Variants in SPATA22 observed in about 807,000 individuals in gnomAD.
The protein encoded by SPATA22 is spermatogenesis associated 22, also known as spermatogenesis-associated protein 22.
In SPATA22, 29 loss-of-function variants were observed where a neutral mutation model predicts 47.8. The ratio of observed to expected loss-of-function variants is 0.61; its 90% CI spans 0.45 to 0.83. The LOEUF is 0.83. Among genes scored for constraint, SPATA22 ranks in the 40% least tolerant of loss-of-function variants. The probability of loss-of-function intolerance (pLI) is 0.00; values close to 1 mark genes in which losing one functional copy is unlikely to be tolerated. For synonymous variants in SPATA22, 133 were observed against 140.9 expected, an observed-to-expected ratio of 0.94 and a Z score of 0.40; for missense variants, 410 against 421.7, an observed-to-expected ratio of 0.97 and a Z score of 0.24.
chr17:3,482,253 T>A (rs1244623364), intron 1 of SPATA22, among the ~76,000 whole-genome samples: 2 of 152,230 alleles, frequency 1.3e-5, no homozygotes, highest in African/African-American at 2.4e-5. Flanking sequence ...TCCTTTAACG[T>A]AGACTAAAGC....
chr17:3,464,756 CTG>C (rs2073238871), intron 3 of SPATA22, among the ~76,000 whole-genome samples: 1 of 138,890 alleles, frequency 7.2e-6, no homozygotes, highest in Non-Finnish European at 1.6e-5. Context: ...ACCGCCCCGT[CTG>C]AGAAGTGAGG....
chr17:3,494,541 C>A, intron 1 of SPATA22: 1 of 1,132,232 alleles, frequency 8.8e-7, no homozygotes, highest in Non-Finnish European at 1.3e-6. Context: ...TACAGCACTT[C>A]GCGTACATTC....
rs761077435 is a variant in SPATA22, at chr17:3,443,156, T to C, written c.900+18A>G. 5 of 1,544,326 alleles carry C rather than the reference T, an allele frequency of 3.2e-6. No homozygotes were observed. The highest frequency in any genetic ancestry group is 4.5e-6 in the Non-Finnish European group (5 of 1,123,494). On this transcript the variant is annotated intron_variant, in intron 8 of 8. Coordinates refer to ENST00000572969, the MANE Select transcript of SPATA22 (RefSeq NM_001170698.2). The stretch of plus-strand genomic sequence containing the variant: ...CTGTTGACATAGGCTTCGCAAAGAG[T>C]ACTTTAAAAATACTCACGATTTCAT...
chr17:3,461,848 C>G (rs2073132335), intron 5 of SPATA22, among the ~76,000 whole-genome samples: 2 of 152,128 alleles, frequency 1.3e-5, no homozygotes, highest in South Asian at 4.1e-4. Flanking sequence ...AAAATCATTT[C>G]CTTCTATATT....
At chr17:3,444,871 C>T (rs2072691250) in intron 7 of SPATA22, among the ~76,000 whole-genome samples, 1 of 151,912 alleles carries the variant, frequency 6.6e-6, no homozygotes, top group Non-Finnish European at 1.5e-5. Context: ...AGAGTCTAGC[C>T]TAGGAACTCA....
chr17:3,483,192 T>C (rs1432042752), intron 1 of SPATA22, among the ~76,000 whole-genome samples: 3 of 152,014 alleles, frequency 2.0e-5, no homozygotes, highest in African/African-American at 7.2e-5. Flanking sequence ...GAAACAAAAA[T>C]CACCACATCC....
intron 1 of SPATA22, chr17:3,483,486 T>A: frequency 6.2e-7 from 1 of 1,611,912 alleles, no homozygotes; most frequent in South Asian, 1.1e-5. Flanking sequence ...AAGACGTTTT[T>A]GATTTTTTTC....
At chr17:3,491,440 G>A (rs571163392) in intron 1 of SPATA22, among the ~76,000 whole-genome samples, 8 of 152,138 alleles carry the variant, frequency 5.3e-5, no homozygotes, top group Non-Finnish European at 1.0e-4. Context: ...TGAAGAGCTT[G>A]AAAATCATAA....
chr17:3,507,517 T>C (rs2074051708), intron 1 of SPATA22, among the ~76,000 whole-genome samples: 1 of 152,248 alleles, frequency 6.6e-6, no homozygotes, highest in South Asian at 2.1e-4. Flanking sequence ...GAATCCTTTC[T>C]GCAGAACTTT....
intron 1 of SPATA22, among the ~76,000 whole-genome samples, chr17:3,507,315 C>T (rs976843577): frequency 1.3e-5 from 2 of 152,170 alleles, no homozygotes; most frequent in African/African-American, 4.8e-5. Flanking sequence ...TTAAATGAGA[C>T]ATGTATGTAA....
intron 3 of SPATA22, among the ~76,000 whole-genome samples, chr17:3,463,337 A>G (rs1009431386): frequency 2.0e-5 from 3 of 152,204 alleles, no homozygotes; most frequent in Admixed American, 2.0e-4. Flanking sequence ...AGCTTGCTAC[A>G]CACCTAGGCT....
chr17:3,476,326 G>C, upstream of SPATA22: 1 of 1,614,188 alleles, frequency 6.2e-7, no homozygotes, highest in Non-Finnish European at 8.5e-7. Flanking sequence ...ACTAACCCCA[G>C]AGCAGTGAAG....
chr17:3,440,368 T>C, intron 8 of SPATA22, 30 bp from the exon 9 acceptor site: 3 of 1,483,190 alleles, frequency 2.0e-6, no homozygotes, highest in Non-Finnish European at 2.7e-6. Flanking sequence ...TATCAAAAAA[T>C]AGTTATTACT....
At chr17:3,505,454 G>A (rs190381806) in intron 1 of SPATA22, among the ~76,000 whole-genome samples, 82 of 152,334 alleles carry the variant, frequency 5.4e-4, no homozygotes, top group Middle Eastern at 6.8e-3. Flanking sequence ...GGAAGAGCGG[G>A]TTGTCACTTC....
intron 1 of SPATA22, among the ~76,000 whole-genome samples, 151 bp from the exon 2 acceptor site, chr17:3,469,549 A>G (rs2073382379): frequency 3.3e-5 from 5 of 152,338 alleles, no homozygotes; most frequent in South Asian, 4.1e-4. Context: ...AGTTTACACC[A>G]TAATCCACTT....
Position 3,443,158 on chromosome 17 carries a change from C to T in SPATA22, c.900+16G>A, listed in dbSNP as rs764402531. 2.6e-6 allele frequency: 4 copies of T among 1,565,132 alleles called. No individual in the cohort carries two copies. In the East Asian group the frequency reaches 9.0e-5, roughly 35 times the overall value. On this transcript the variant is annotated intron_variant, in intron 8 of 8. Transcript: ENST00000572969. ...GTTGACATAGGCTTCGCAAAGAGTACTTTAAAAATACTCACGATTTCATAA... is the reference window on the plus strand; with the variant it reads ...GTTGACATAGGCTTCGCAAAGAGTATTTTAAAAATACTCACGATTTCATAA...
At chr17:3,458,855 C>CAAAAAAAAAAAACAAAAAAAAAAAAAA (rs2073056404) in intron 5 of SPATA22, among the ~76,000 whole-genome samples, 1 of 38,344 alleles carries the variant, frequency 2.6e-5, no homozygotes, top group Non-Finnish European at 4.5e-5. Context: ...CGAAACTTCA[C>CAAAAAAAAAAAACAAAAAAAAAAAAAA]AAAAAAAAAA....
chr17:3,489,396 A>G, intron 1 of SPATA22: 2 of 1,414,982 alleles, frequency 1.4e-6, no homozygotes, highest in South Asian at 2.3e-5. Context: ...CATTTAAATA[A>G]CAATTGGAAC....
chr17:3,462,829 T>C (rs1221329842), intron 3 of SPATA22, 62 bp from the exon 4 acceptor site: 3 of 1,272,970 alleles, frequency 2.4e-6, no homozygotes, highest in Non-Finnish European at 3.4e-6. Flanking sequence ...AAATGATAAA[T>C]TCATACTTAT....
Sources: allele counts gnomAD v4.1 joint callset (sites outside exome capture counted in the v4.1 genomes callset), GRCh38; gene constraint gnomAD v4.1.1; transcripts MANE v1.5; gene names NCBI Gene and HGNC (gene_info 2026-07-23, HGNC 2026-07-21).